Variants in NTN1 observed in about 807,000 individuals in gnomAD.
The protein encoded by NTN1 is netrin-1.
A neutral mutation model predicts 54.2 loss-of-function variants in NTN1; 11 were observed. The observed-to-expected ratio is 0.20, with a 90% confidence interval of 0.13 to 0.34. The LOEUF is 0.34. Among genes scored for constraint, NTN1 ranks in the 10% least tolerant of loss-of-function variants. The pLI is 1.00. For synonymous variants in NTN1, 371 were observed against 382.0 expected, an observed-to-expected ratio of 0.97 and a Z score of 0.33; for missense variants, 740 against 893.1, an observed-to-expected ratio of 0.83 and a Z score of 2.18.
In NTN1 at chr17:9,227,576, C is replaced by T. The variant is rs200756283; in HGVS notation, c.1486+6334C>T. Among the ~76,000 whole-genome samples, 700 of 102,130 alleles carry T rather than the reference C, an allele frequency of 6.9e-3. 7 individuals carry two copies. Among genetic ancestry groups the T allele is most frequent in the African/African-American group, 0.025 (648 of 26,354 alleles). 67.0% of individuals were successfully genotyped at this position (102,130 alleles called of 152,430 possible). ...AGGCACACACACTATCACACACACA[C>T]ATCACACACGCATGCATACACACAC... On this transcript the variant is annotated intron_variant, in intron 6 of 6. Transcript: ENST00000173229.
At chr17:9,119,318 G>A (rs1017049571) in intron 2 of NTN1, among the ~76,000 whole-genome samples, 70 of 152,112 alleles carry the variant, frequency 4.6e-4, no homozygotes, top group African/African-American at 1.6e-3. Context: ...CTCCTGAGTA[G>A]CTGGGATTAC....
rs2092362191 is a variant in NTN1 at position 9,162,952 on chromosome 17, C to T, written c.1158C>T (p.Gly386=). 6.2e-7 allele frequency: 1 copy of T among 1,613,788 alleles called. No homozygotes were observed. The highest frequency in any genetic ancestry group is 2.2e-5 in the East Asian group (1 of 44,858). The change falls in exon 3 of 7, where the codon GGC becomes GGT. Residue 386 remains glycine (G), a synonymous_variant. Transcript: ENST00000173229. ...GCCACTGCCATTACTGCAAGGAGGG[C>T]TACTACCGCGACATGGGCAAGCCCA... ...AGRHCHYCKE[G]YYRDMGKPIT... is the part of the protein sequence containing the mutation.
chr17:9,101,602 AG>A (rs1433243267), intron 2 of NTN1, among the ~76,000 whole-genome samples: 5 of 152,238 alleles, frequency 3.3e-5, no homozygotes, highest in African/African-American at 1.2e-4. Flanking sequence ...CAACCTGGCC[AG>A]GTGAGTGGGG....
In NTN1 at chr17:9,239,527, CTG is replaced by C. The variant is rs1906111249; in HGVS notation, c.1487-110_1487-109del. 3.8e-6 allele frequency: 4 copies of C among 1,040,536 alleles called. No homozygotes were observed. The highest frequency in any genetic ancestry group is 2.2e-5 in the Admixed American group (1 of 44,872). 64.5% of individuals were successfully genotyped at this position (1,040,536 alleles called of 1,614,324 possible). A position where few individuals can be genotyped will look rare whatever the true frequency, so the allele number is the denominator to read the frequency against. On this transcript the variant is annotated intron_variant, in intron 6 of 6. Transcript: ENST00000173229. This position sits in a 1 kb window ranked among gnomAD's most constrained non-coding sequence, Gnocchi z 5.2. ...CCCACGCGCTCCTGTATGGGCCACT[CTG>C]TGCAGTCACTTCCTGGGGCTGGGTC...
intron 2 of NTN1, among the ~76,000 whole-genome samples, chr17:9,030,238 A>C (rs954580618): frequency 1.3e-5 from 2 of 152,140 alleles, no homozygotes; most frequent in African/African-American, 4.8e-5. Context: ...TGGCACTCAG[A>C]GCACAAAGGA....
intron 3 of NTN1, chr17:9,176,706 G>A (rs1334819539): frequency 6.6e-6 from 1 of 152,174 alleles, no homozygotes; most frequent in Non-Finnish European, 1.5e-5. Flanking sequence ...GATTGCACTG[G>A]GTACAGGTAA....
intron 4 of NTN1, among the ~76,000 whole-genome samples, chr17:9,180,850 G>T (rs2092416982): frequency 1.3e-5 from 2 of 152,206 alleles, no homozygotes; most frequent in Admixed American, 6.5e-5. Flanking sequence ...GGGCAGAGCA[G>T]GTTGAAATAG....
At chr17:9,128,443 G>A (rs1442697295) in intron 2 of NTN1, among the ~76,000 whole-genome samples, 1 of 152,216 alleles carries the variant, frequency 6.6e-6, no homozygotes, top group Non-Finnish European at 1.5e-5. Flanking sequence ...TGGGCCAAGG[G>A]AGCCAGCTGG....
intron 2 of NTN1, among the ~76,000 whole-genome samples, chr17:9,059,828 CAA>C (rs34556932): frequency 1.2e-4 from 17 of 140,878 alleles, no homozygotes; most frequent in Admixed American, 3.5e-4. Flanking sequence ...ACCTCAATTA[CAA>C]AAAAAAAAAA....
chr17:9,201,386 G>A (rs1305022652), intron 5 of NTN1, among the ~76,000 whole-genome samples: 1 of 152,218 alleles, frequency 6.6e-6, no homozygotes, highest in Non-Finnish European at 1.5e-5. Flanking sequence ...ATGAGGAAGA[G>A]CATGGAGTGG....
intron 2 of NTN1, among the ~76,000 whole-genome samples, chr17:9,094,988 CAAAAAAAAAAA>C (rs71135941): frequency 5.0e-5 from 5 of 99,924 alleles, no homozygotes; most frequent in African/African-American, 7.4e-5. Flanking sequence ...GACTCCGTCT[CAAAAAAAAAAA>C]AAAAAAAAAA....
At chr17:9,194,615 C>T (rs1051358399) in intron 5 of NTN1, among the ~76,000 whole-genome samples, 3 of 152,038 alleles carry the variant, frequency 2.0e-5, no homozygotes, top group Non-Finnish European at 2.9e-5. Flanking sequence ...CCTCTTCCTA[C>T]TGGATGCCAG....
intron 2 of NTN1, among the ~76,000 whole-genome samples, chr17:9,149,776 GA>G (rs1449160322): frequency 6.6e-6 from 1 of 152,136 alleles, no homozygotes; most frequent in Admixed American, 6.6e-5. Context: ...TTATTATAAG[GA>G]AGGAGCAGGG....
intron 2 of NTN1, among the ~76,000 whole-genome samples, chr17:9,065,237 T>C (rs2092011397): frequency 6.6e-6 from 1 of 152,062 alleles, no homozygotes; most frequent in South Asian, 2.1e-4. Context: ...GTGCCCAGCC[T>C]TATGTGATCT....
At chr17:9,150,075 G>A (rs932773113) in intron 2 of NTN1, among the ~76,000 whole-genome samples, 6 of 151,796 alleles carry the variant, frequency 4.0e-5, no homozygotes, top group Admixed American at 2.0e-4. Context: ...GGTGGCGGGC[G>A]CCTGTAATCC....
rs112623505 is a variant in NTN1, at chr17:9,187,403, T to G, written c.1411+4434T>G. Among the ~76,000 whole-genome samples the G allele has an allele frequency of 2.6e-5, 4 of 152,074 alleles. 1 individual carries two copies. Among genetic ancestry groups the G allele is most frequent in the African/African-American group, 9.6e-5 (4 of 41,502 alleles). The stretch of plus-strand genomic sequence containing the variant: ...GTAAGAACTAGAAACCAGTTAAAGG[T>G]CAAGAGCTTCACTTCATGATAGCCA... On this transcript the variant is annotated intron_variant, in intron 5 of 6. Transcript: ENST00000173229.
At chr17:9,120,479 A>G (rs529728150) in intron 2 of NTN1, among the ~76,000 whole-genome samples, 1 of 152,238 alleles carries the variant, frequency 6.6e-6, no homozygotes, top group South Asian at 2.1e-4. Context: ...GTTTTCTTCA[A>G]ATAGTCCCCT....
chr17:9,037,048 A>C (rs943178024), intron 2 of NTN1, among the ~76,000 whole-genome samples: 1 of 152,148 alleles, frequency 6.6e-6, no homozygotes, highest in Admixed American at 6.5e-5. Flanking sequence ...CAGGTGTATG[A>C]ATTTTCACAA....
intron 2 of NTN1, among the ~76,000 whole-genome samples, chr17:9,121,946 A>G (rs1467045428): frequency 1.3e-5 from 2 of 152,134 alleles, no homozygotes; most frequent in Non-Finnish European, 1.5e-5. Flanking sequence ...TTCTTGATAC[A>G]GGAGAGCTGG....
Sources: allele counts gnomAD v4.1 joint callset (sites outside exome capture counted in the v4.1 genomes callset), GRCh38; gene constraint gnomAD v4.1.1; non-coding constraint Gnocchi (gnomAD v3.1); transcripts MANE v1.5; gene names NCBI Gene and HGNC (gene_info 2026-07-23, HGNC 2026-07-21).